C8A: variants seen among roughly 807,000 people sequenced by gnomAD.
C8A encodes complement C8 alpha chain.
In C8A, 67 loss-of-function variants were observed where a neutral mutation model predicts 65.3. The ratio of observed to expected loss-of-function variants is 1.03; its 90% confidence interval spans 0.84 to 1.26. C8A has a LOEUF of 1.26. Ranked by LOEUF, C8A falls within the 50% of genes most tolerant of loss-of-function variation. C8A has a pLI of 0.00. For synonymous variants in C8A, 290 were observed against 259.4 expected, an observed-to-expected ratio of 1.12 and a Z score of -1.13; for missense variants, 781 against 723.9, an observed-to-expected ratio of 1.08 and a Z score of -0.90.
At chr1:56,865,787 A>G (rs1219042414) in intron 1 of C8A, among the ~76,000 whole-genome samples, 8 of 152,230 alleles carry the variant, frequency 5.3e-5, no homozygotes, top group Non-Finnish European at 1.0e-4. Flanking sequence ...AAACATATCC[A>G]CTACCATGAA....
In C8A at chr1:56,881,624, A is replaced by G; in HGVS notation, c.644A>G (p.Tyr215Cys). ...YFRKPYNFLK[Y>C]HFEALADTGI... ...CGGAAACCCTACAACTTTCTGAAGT[A>G]CCACTTTGAAGTAAGTCTGAACAGA... is the stretch of plus-strand genomic sequence containing the variant. Residue 215 changes from tyrosine to cysteine, a missense_variant, in exon 5 of 11, where the codon TAC (tyrosine) becomes TGC (cysteine). Tyr to Cys is a radical substitution (Grantham distance 194). Coordinates refer to ENST00000361249, the MANE Select transcript of C8A (RefSeq NM_000562.3). 6.2e-7 allele frequency: 1 copy of G among 1,613,056 alleles called. No homozygotes were observed. Among genetic ancestry groups the G allele is most frequent in the Non-Finnish European group, 8.5e-7 (1 of 1,179,668 alleles).
At chr1:56,897,289 G>C (rs1481076770) in intron 7 of C8A, among the ~76,000 whole-genome samples, 2 of 152,184 alleles carry the variant, frequency 1.3e-5, no homozygotes, top group Non-Finnish European at 2.9e-5. Flanking sequence ...AGATTGTTCT[G>C]AAACTTAAGT....
chr1:56,908,275 C>G (rs1312064347), intron 9 of C8A, among the ~76,000 whole-genome samples, 162 bp downstream of exon 9: 1 of 152,176 alleles, frequency 6.6e-6, no homozygotes, highest in Non-Finnish European at 1.5e-5. Context: ...CCAGGGAGTG[C>G]ATGACTTCAG....
At chr1:56,857,879 A>T (rs1643993402) in intron 1 of C8A, among the ~76,000 whole-genome samples, 1 of 152,048 alleles carries the variant, frequency 6.6e-6, no homozygotes, top group African/African-American at 2.4e-5. Context: ...AATTACAGAG[A>T]TGCTAGCCTG....
chr1:56,907,341 G>A (rs1303597363), intron 8 of C8A, among the ~76,000 whole-genome samples: 1 of 152,140 alleles, frequency 6.6e-6, no homozygotes, highest in Non-Finnish European at 1.5e-5. Flanking sequence ...AGTTTATAAT[G>A]CAGTGGGTGG....
chr1:56,881,744 T>C, intron 5 of C8A, 110 bp downstream of exon 5: 1 of 1,054,496 alleles, frequency 9.5e-7, no homozygotes, highest in Non-Finnish European at 1.4e-6. Flanking sequence ...CTATAAAGTT[T>C]GCTGGTGTCT....
intron 1 of C8A, among the ~76,000 whole-genome samples, chr1:56,861,998 C>G (rs1218846313): frequency 6.6e-6 from 1 of 152,226 alleles, no homozygotes; most frequent in East Asian, 1.9e-4. Context: ...GTTTTAGACT[C>G]TTTGCCCAAT....
intron 7 of C8A, among the ~76,000 whole-genome samples, chr1:56,892,371 T>G (rs1644353338): frequency 6.6e-6 from 1 of 152,140 alleles, no homozygotes; most frequent in Non-Finnish European, 1.5e-5. Context: ...GAGGGAGGCA[T>G]GGTTTCCTCA....
intron 10 of C8A, 74 bp downstream of exon 10, chr1:56,912,699 G>C: frequency 7.2e-7 from 1 of 1,392,862 alleles, no homozygotes; most frequent in South Asian, 1.2e-5. Flanking sequence ...GGACTTTTGG[G>C]GTTCCCGGCC....
At position 56,906,664 on chromosome 1, in the gene C8A, C is replaced by A. The variant is rs1434567420; in HGVS notation, c.1097-3C>A. The A allele has an allele frequency of 1.2e-6, 2 of 1,613,988 alleles. No individual in the cohort carries two copies. Among genetic ancestry groups the A allele is most frequent in the African/African-American group, 1.3e-5 (1 of 75,020 alleles). ...TTTGTGTTTCTCTGTCTCCCTGTTG[C>A]AGGTATTACCAGCAGAGATATCACG... On this transcript the variant is annotated splice_region_variant and splice_polypyrimidine_tract_variant and intron_variant, in intron 7 of 10. Coordinates refer to ENST00000361249, the MANE Select transcript of C8A (RefSeq NM_000562.3).
At chr1:56,873,066 C>T (rs534551780) in intron 2 of C8A, among the ~76,000 whole-genome samples, 1 of 152,258 alleles carries the variant, frequency 6.6e-6, no homozygotes, top group Non-Finnish European at 1.5e-5. Flanking sequence ...TCTCTTACTG[C>T]TGTTATTAAC....
chr1:56,900,035 C>G (rs1018717977), intron 7 of C8A, among the ~76,000 whole-genome samples: 57 of 152,172 alleles, frequency 3.7e-4, no homozygotes, highest in African/African-American at 1.4e-3. Flanking sequence ...GTCAGAGCCT[C>G]TGAAGAACCC....
chr1:56,865,048 C>A (rs1644071288), intron 1 of C8A, among the ~76,000 whole-genome samples: 1 of 152,014 alleles, frequency 6.6e-6, no homozygotes, highest in Non-Finnish European at 1.5e-5. Context: ...TTAAGAAAGT[C>A]CTTCTAGAAA....
At chr1:56,877,783 C>G (rs1644212135) in intron 4 of C8A, among the ~76,000 whole-genome samples, 1 of 152,030 alleles carries the variant, frequency 6.6e-6, no homozygotes, top group Non-Finnish European at 1.5e-5. Context: ...CTGTTGCAGC[C>G]CACCCAAGGA....
chr1:56,863,294 T>G (rs1350909021), intron 1 of C8A, among the ~76,000 whole-genome samples: 1 of 152,216 alleles, frequency 6.6e-6, no homozygotes, highest in African/African-American at 2.4e-5. Flanking sequence ...GTTGGTCACA[T>G]TGGTATTGGC....
Position 56,917,622 on chromosome 1 carries a change from G to A in C8A, c.1661G>A (p.Gly554Asp), listed in dbSNP as rs148949314. Residue 554 changes from glycine to aspartate, a missense_variant, in exon 11 of 11, where the codon GGC becomes GAC. Physicochemically the swap from Gly to Asp is moderately conservative, Grantham distance 94 (BLOSUM62 -1). Transcript: ENST00000361249. ...AGCTCCTGGTCTGTATGCAGAGCAG[G>A]CATCCAGGAAAGGAGAAGAGAGTGT... ...CWSSWSVCRAGIQERRRECDN... is the reference protein window; with the variant it reads ...CWSSWSVCRADIQERRRECDN... 2.9e-4 allele frequency: 463 copies of A among 1,614,212 alleles called. 3 individuals carry two copies. In the African/African-American group the frequency reaches 5.6e-3, roughly 19 times the overall value.
At chr1:56,914,261 A>T (rs1644533623) in intron 10 of C8A, among the ~76,000 whole-genome samples, 1 of 152,134 alleles carries the variant, frequency 6.6e-6, no homozygotes, top group Admixed American at 6.5e-5. Flanking sequence ...TTAATGAGGG[A>T]GGACTTTCTT....
At chr1:56,891,386 G>A (rs773030119) in intron 7 of C8A, among the ~76,000 whole-genome samples, 16 of 152,230 alleles carry the variant, frequency 1.1e-4, no homozygotes, top group African/African-American at 2.2e-4. Context: ...CTTACTGGCC[G>A]TAGTAAGAAG....
chr1:56,887,280 C>T (rs1644307364), intron 7 of C8A, among the ~76,000 whole-genome samples: 1 of 152,188 alleles, frequency 6.6e-6, no homozygotes, highest in African/African-American at 2.4e-5. Flanking sequence ...AATTGACACA[C>T]TATTTTCCAC....
Sources: allele counts gnomAD v4.1 joint callset (sites outside exome capture counted in the v4.1 genomes callset), GRCh38; gene constraint gnomAD v4.1.1; transcripts MANE v1.5; gene names NCBI Gene and HGNC (gene_info 2026-07-23, HGNC 2026-07-21).